Variants in PRMT3 observed in about 807,000 individuals in gnomAD.
The protein encoded by PRMT3 is protein arginine N-methyltransferase 3.
In PRMT3, 62 loss-of-function variants were observed where a neutral mutation model predicts 71.9. The ratio of observed to expected loss-of-function variants is 0.86; its 90% confidence interval spans 0.70 to 1.07. The LOEUF is 1.07. Among genes scored for constraint, PRMT3 ranks in the 50% least tolerant of loss-of-function variants. The pLI, the probability that PRMT3 is intolerant of heterozygous loss-of-function variation, is 0.00. For synonymous variants in PRMT3, 213 were observed against 220.4 expected (o/e 0.97, Z 0.30); for missense variants, 663 against 643.0 (o/e 1.03, Z -0.34).
intron 10 of PRMT3, among the ~76,000 whole-genome samples, chr11:20,444,042 G>A (rs916234254): frequency 3.3e-5 from 5 of 152,150 alleles, no homozygotes; most frequent in African/African-American, 4.8e-5. Context: ...TTGCGTGGAA[G>A]TTGGTGATCA....
At chr11:20,450,718 C>G (rs991934025) in intron 10 of PRMT3, among the ~76,000 whole-genome samples, 1 of 152,250 alleles carries the variant, frequency 6.6e-6, no homozygotes, top group East Asian at 1.9e-4. Flanking sequence ...ATAAGTGATT[C>G]AAGCATGAGA....
At chr11:20,494,778 G>A (rs1339624419) in intron 15 of PRMT3, among the ~76,000 whole-genome samples, 1 of 152,070 alleles carries the variant, frequency 6.6e-6, no homozygotes, top group African/African-American at 2.4e-5. Flanking sequence ...AAATAAATAA[G>A]ACTACCTGGC....
intron 10 of PRMT3, among the ~76,000 whole-genome samples, chr11:20,444,380 G>T (rs574867535): frequency 2.0e-5 from 3 of 152,172 alleles, no homozygotes; most frequent in Admixed American, 6.5e-5. Context: ...TTCAGTGTAA[G>T]GTATGCATAT....
intron 15 of PRMT3, among the ~76,000 whole-genome samples, chr11:20,498,464 C>A (rs756719629): frequency 3.9e-5 from 6 of 152,176 alleles, no homozygotes; most frequent in Admixed American, 6.5e-5. Flanking sequence ...CGTGATTGCT[C>A]ATGCCTGTAA....
chr11:20,469,382 A>G (rs961689912), intron 13 of PRMT3, among the ~76,000 whole-genome samples: 4 of 152,220 alleles, frequency 2.6e-5, no homozygotes, highest in African/African-American at 7.2e-5. Context: ...CTGTGTGTCT[A>G]TAAGCTACTT....
At chr11:20,482,112 T>G (rs1020708859) in intron 13 of PRMT3, among the ~76,000 whole-genome samples, 2 of 152,050 alleles carry the variant, frequency 1.3e-5, no homozygotes, top group Non-Finnish European at 2.9e-5. Flanking sequence ...TAAAATAACC[T>G]GTCCATAGAG....
chr11:20,457,885 G>A (rs1340056904), intron 11 of PRMT3, among the ~76,000 whole-genome samples: 1 of 152,076 alleles, frequency 6.6e-6, no homozygotes, highest in Non-Finnish European at 1.5e-5. Context: ...GAGCAGTAGT[G>A]TCATTTTTTA....
intron 9 of PRMT3, among the ~76,000 whole-genome samples, chr11:20,410,435 A>G (rs187787486): frequency 1.3e-5 from 2 of 152,192 alleles, no homozygotes; most frequent in African/African-American, 4.8e-5. Context: ...TTTCTGGTAT[A>G]TTGATGAGCT....
chr11:20,503,141 C>T (rs569057672), intron 15 of PRMT3, among the ~76,000 whole-genome samples: 3 of 152,034 alleles, frequency 2.0e-5, no homozygotes, highest in African/African-American at 7.2e-5. Context: ...AACTATCTTG[C>T]TTTATAGAAT....
intron 10 of PRMT3, among the ~76,000 whole-genome samples, chr11:20,440,715 A>C (rs1849874479): frequency 6.6e-6 from 1 of 152,094 alleles, no homozygotes; most frequent in Admixed American, 6.5e-5. Context: ...AATTTTACAA[A>C]GAAAAAATTT....
chr11:20,472,324 T>C (rs981693541), intron 13 of PRMT3, among the ~76,000 whole-genome samples: 12 of 151,434 alleles, frequency 7.9e-5, no homozygotes, highest in Middle Eastern at 3.2e-3. Flanking sequence ...CAGTGTGATA[T>C]TGGCTGTGGG....
chr11:20,434,945 A>C (rs1364438713), intron 10 of PRMT3, among the ~76,000 whole-genome samples: 1 of 152,230 alleles, frequency 6.6e-6, no homozygotes, highest in Non-Finnish European at 1.5e-5. Flanking sequence ...TGATAGGAAT[A>C]ACATTGAATC....
intron 13 of PRMT3, among the ~76,000 whole-genome samples, chr11:20,487,916 T>A (rs1403546941): frequency 1.3e-5 from 2 of 152,196 alleles, no homozygotes; most frequent in Non-Finnish European, 2.9e-5. Context: ...TGAAATATTC[T>A]ATGTAGATCA....
chr11:20,403,978 G>A (rs1849006871), intron 8 of PRMT3, among the ~76,000 whole-genome samples: 1 of 151,778 alleles, frequency 6.6e-6, no homozygotes, highest in African/African-American at 2.4e-5. Context: ...TCTTTTTTAA[G>A]AGCAGTGTTT....
At chr11:20,436,249 C>T (rs1452167434) in intron 10 of PRMT3, among the ~76,000 whole-genome samples, 4 of 152,174 alleles carry the variant, frequency 2.6e-5, no homozygotes, top group African/African-American at 9.7e-5. Context: ...CAAACAGGAA[C>T]AATTTGTCTC....
chr11:20,440,412 A>G (rs943424173), intron 10 of PRMT3, among the ~76,000 whole-genome samples: 72 of 151,460 alleles, frequency 4.8e-4, no homozygotes, highest in African/African-American at 1.2e-3. Flanking sequence ...TTGGGAGGCC[A>G]AGGCGGGCGA....
intron 9 of PRMT3, among the ~76,000 whole-genome samples, chr11:20,412,839 G>T (rs1849224575): frequency 6.6e-6 from 1 of 152,118 alleles, no homozygotes; most frequent in South Asian, 2.1e-4. Flanking sequence ...GCTGGGCATG[G>T]TGGCATGTGC....
At chr11:20,480,536 G>A (rs1850906185) in intron 13 of PRMT3, among the ~76,000 whole-genome samples, 2 of 152,130 alleles carry the variant, frequency 1.3e-5, no homozygotes, top group Admixed American at 1.3e-4. Context: ...TTTCAGTTGT[G>A]ATGTTTTTTA....
At chr11:20,428,203 T>G (rs1203647244) in intron 10 of PRMT3, among the ~76,000 whole-genome samples, 1 of 152,202 alleles carries the variant, frequency 6.6e-6, no homozygotes. Flanking sequence ...AGAGTAGATA[T>G]GAATTAAAAA....
Sources: allele counts gnomAD v4.1 joint callset (sites outside exome capture counted in the v4.1 genomes callset), GRCh38; gene constraint gnomAD v4.1.1; transcripts MANE v1.5; gene names NCBI Gene and HGNC (gene_info 2026-07-23, HGNC 2026-07-21).